Variants in LARP1B observed in about 807,000 individuals in gnomAD.
LARP1B encodes La ribonucleoprotein 1B.
A neutral mutation model predicts 114.2 loss-of-function variants in LARP1B; 76 were observed. The ratio of observed to expected loss-of-function variants is 0.67; its 90% CI spans 0.55 to 0.81. The LOEUF is 0.81. Among genes scored for constraint, LARP1B ranks in the 30% least tolerant of loss-of-function variants. LARP1B has a pLI of 0.00. For synonymous variants in LARP1B, 345 were observed against 348.0 expected (o/e 0.99, Z 0.10); for missense variants, 1,014 against 1,075.8 (o/e 0.94, Z 0.80).
chr4:128,146,806 A>G (rs1730536064), intron 11 of LARP1B, among the ~76,000 whole-genome samples: 1 of 152,212 alleles, frequency 6.6e-6, no homozygotes, highest in Non-Finnish European at 1.5e-5. Context: ...AAATAGCTGG[A>G]TGAAAGAATT....
chr4:128,130,519 A>G (rs1791224885), intron 11 of LARP1B, among the ~76,000 whole-genome samples: 1 of 152,254 alleles, frequency 6.6e-6, no homozygotes, highest in Non-Finnish European at 1.5e-5. Context: ...AGGAGTGCCA[A>G]AATCCAAAAC....
intron 15 of LARP1B, among the ~76,000 whole-genome samples, chr4:128,194,409 G>T (rs1183393954): frequency 6.6e-6 from 1 of 151,990 alleles, no homozygotes; most frequent in African/African-American, 2.4e-5. Context: ...TTGGCTGGTC[G>T]CAGTGGCTCA....
At chr4:128,071,002 A>G (rs1765083897) in intron 1 of LARP1B, among the ~76,000 whole-genome samples, 1 of 151,956 alleles carries the variant, frequency 6.6e-6, no homozygotes, top group Admixed American at 6.6e-5. Flanking sequence ...GCATTTTTTA[A>G]GTTTATGAGT....
chr4:128,083,794 G>A (rs1455082304), intron 5 of LARP1B, among the ~76,000 whole-genome samples: 5 of 148,718 alleles, frequency 3.4e-5, no homozygotes, highest in East Asian at 2.0e-4. Flanking sequence ...CTGGCCGGGC[G>A]GGGGGCTGAC....
downstream of LARP1B, among the ~76,000 whole-genome samples, chr4:128,212,721 A>G (rs1759153367): frequency 6.6e-6 from 1 of 152,164 alleles, no homozygotes; most frequent in African/African-American, 2.4e-5. Flanking sequence ...ATCTTTGTGT[A>G]TAAAAGAGTT....
At chr4:128,147,937 G>T (rs1731073990) in intron 11 of LARP1B, among the ~76,000 whole-genome samples, 1 of 151,810 alleles carries the variant, frequency 6.6e-6, no homozygotes, top group Non-Finnish European at 1.5e-5. Context: ...TTTGAAATTG[G>T]CTCCTGAGTA....
At chr4:128,108,658 TTTAA>T (rs1159391345) in intron 9 of LARP1B, 2 of 984,834 alleles carry the variant, frequency 2.0e-6, no homozygotes, top group Admixed American at 6.1e-5. Context: ...GCTAGTGGTT[TTTAA>T]TTTATTTTTT....
chr4:128,098,769 T>TATATATATATATG (rs1561201033), intron 8 of LARP1B, among the ~76,000 whole-genome samples: 10 of 14,428 alleles, frequency 6.9e-4, no homozygotes, highest in African/African-American at 2.7e-3. Context: ...ATATATATAT[T>TATATATATATATG]TTTTTTTTTT....
intron 9 of LARP1B, among the ~76,000 whole-genome samples, chr4:128,112,312 T>C (rs997171413): frequency 1.3e-5 from 2 of 151,982 alleles, no homozygotes; most frequent in African/African-American, 4.8e-5. Context: ...TGTTATATGC[T>C]CAGTGTAAAA....
At chr4:128,193,610 TTTTTTATTTTTA>T (rs1205016675) in intron 15 of LARP1B, among the ~76,000 whole-genome samples, 1 of 152,206 alleles carries the variant, frequency 6.6e-6, no homozygotes, top group South Asian at 2.1e-4. Context: ...TTTATTTTAT[TTTTTTATTTTTA>T]TTTTTATTTT....
At chr4:128,137,832 C>T (rs1408593297) in intron 11 of LARP1B, among the ~76,000 whole-genome samples, 1 of 149,492 alleles carries the variant, frequency 6.7e-6, no homozygotes, top group African/African-American at 2.5e-5. Flanking sequence ...TTTGCTTTGT[C>T]TCCCAGGATG....
intron 11 of LARP1B, chr4:128,156,211 C>T (rs1214128567): frequency 2.0e-5 from 31 of 1,585,292 alleles, no homozygotes; most frequent in Non-Finnish European, 2.6e-5. Context: ...GTGAGGCACC[C>T]GAGCCTTACT....
chr4:128,074,487 C>T lies in LARP1B; in HGVS notation c.-50C>T. ...TTCGGTTCCCTCAAAATTATAAAGG[C>T]AGGAAAGCTCAAGACAAAGAAATCC... On this transcript the variant is annotated 5_prime_UTR_variant, in exon 2 of 20. Transcript: ENST00000326639. The T allele has an allele frequency of 1.1e-6, 1 of 920,248 alleles. No homozygotes were observed. Among genetic ancestry groups the T allele is most frequent in the Non-Finnish European group, 1.3e-6 (1 of 770,268 alleles). 57.0% of individuals were successfully genotyped at this position (920,248 alleles called of 1,614,324 possible). A position where few individuals can be genotyped will look rare whatever the true frequency, so the allele number is the denominator to read the frequency against.
At chr4:128,141,293 T>G (rs2150213328) in intron 11 of LARP1B, among the ~76,000 whole-genome samples, 1 of 152,288 alleles carries the variant, frequency 6.6e-6, no homozygotes, top group Admixed American at 6.5e-5. Context: ...GGCTAGCGTC[T>G]GGGCTCATGA....
chr4:128,073,230 A>G (rs577873660), intron 1 of LARP1B, among the ~76,000 whole-genome samples: 1 of 151,828 alleles, frequency 6.6e-6, no homozygotes, highest in Admixed American at 6.6e-5. Flanking sequence ...CCTGGCTAAA[A>G]TGGTGAAACC....
intron 11 of LARP1B, chr4:128,122,448 TTTTTTG>T: frequency 6.6e-7 from 1 of 1,512,628 alleles, no homozygotes; most frequent in Non-Finnish European, 8.8e-7. Context: ...GTTTTTTTTT[TTTTTTG>T]TTTTGTTTTT....
At chr4:128,166,993 TACACACACAC>T (rs1554050281) in intron 12 of LARP1B, among the ~76,000 whole-genome samples, 3 of 138,370 alleles carry the variant, frequency 2.2e-5, no homozygotes, top group Non-Finnish European at 3.1e-5. Flanking sequence ...TATATATATA[TACACACACAC>T]ATATATATAC....
intron 1 of LARP1B, among the ~76,000 whole-genome samples, chr4:128,063,917 G>T (rs1424855153): frequency 7.1e-5 from 10 of 140,914 alleles, no homozygotes; most frequent in African/African-American, 2.9e-4. Flanking sequence ...AGCAGAACAA[G>T]AAATATTTGA....
chr4:128,065,303 T>TCTCTC (rs1561011475), intron 1 of LARP1B, among the ~76,000 whole-genome samples: 23 of 114,700 alleles, frequency 2.0e-4, no homozygotes, highest in African/African-American at 3.4e-4. Flanking sequence ...CTTTCTTTCT[T>TCTCTC]TCTTTCTTTC....
Sources: allele counts gnomAD v4.1 joint callset (sites outside exome capture counted in the v4.1 genomes callset), GRCh38; gene constraint gnomAD v4.1.1; transcripts MANE v1.5; gene names NCBI Gene and HGNC (gene_info 2026-07-23, HGNC 2026-07-21).